GANAB: variants seen among roughly 807,000 people sequenced by gnomAD.
The protein encoded by GANAB is neutral alpha-glucosidase AB.
In GANAB, 35 loss-of-function variants were observed where a neutral mutation model predicts 129.9. The observed-to-expected ratio is 0.27, with a 90% CI of 0.21 to 0.36. The LOEUF is 0.36. Ranked by LOEUF, GANAB falls within the 10% of genes least tolerant of loss-of-function variation. GANAB has a pLI of 1.00. For missense variants in GANAB, 939 were observed against 1,221.0 expected, an observed-to-expected ratio of 0.77 and a Z score of 3.44; for synonymous variants, 482 against 451.8, an observed-to-expected ratio of 1.07 and a Z score of -0.85.
intron 4 of GANAB, among the ~76,000 whole-genome samples, chr11:62,637,735 T>C (rs1044607725): frequency 1.3e-5 from 2 of 151,876 alleles, no homozygotes; most frequent in African/African-American, 4.8e-5. Flanking sequence ...AATAAAGTTA[T>C]GTGAAAAACG....
chr11:62,645,269 G>A (rs991599029), intron 1 of GANAB, among the ~76,000 whole-genome samples: 6 of 152,158 alleles, frequency 3.9e-5, no homozygotes, highest in African/African-American at 1.2e-4. Context: ...GGGCGCGGTG[G>A]CTCACGCCTG....
At position 62,626,922 on chromosome 11, in the gene GANAB, T is replaced by C. The variant is rs758683598; in HGVS notation, c.2335A>G (p.Ile779Val). The C allele has an allele frequency of 5.6e-6, 9 of 1,611,778 alleles. No individual in the cohort carries two copies. The highest frequency in any genetic ancestry group is 1.3e-5 in the African/African-American group (1 of 74,862). ...LPGQGEVWYDIQSYQKHHGPQ... is the reference protein window; with the variant it reads ...LPGQGEVWYDVQSYQKHHGPQ... ...CCATGATGCTTCTGGTAGCTTTGAA[T>C]GTCATACCACACCTGTGAGTGACAA... The change falls in exon 20 of 24, where the codon ATT becomes GTT. Residue 779 changes from isoleucine to valine, a missense_variant. Ile to Val is a conservative substitution (Grantham distance 29, BLOSUM62 3). Transcript: ENST00000356638.
At chr11:62,626,987 C>T (rs1280984173) in intron 19 of GANAB, 53 bp from the exon 20 acceptor site, 68 of 1,571,192 alleles carry the variant, frequency 4.3e-5, no homozygotes, top group Non-Finnish European at 5.6e-5. Flanking sequence ...ACAGGGGTCC[C>T]GTCCTGTTTG....
chr11:62,637,756 C>A (rs72927262), intron 4 of GANAB, among the ~76,000 whole-genome samples: 1 of 151,720 alleles, frequency 6.6e-6, no homozygotes, highest in African/African-American at 2.4e-5. Context: ...GAAACCCAGC[C>A]GGGCGCGGTG....
intron 1 of GANAB, among the ~76,000 whole-genome samples, chr11:62,644,715 C>A (rs1164920589): frequency 6.6e-6 from 1 of 151,894 alleles, no homozygotes; most frequent in Non-Finnish European, 1.5e-5. Context: ...TCCCAGGACT[C>A]GGGAGGATGA....
chr11:62,630,635 G>C lies in GANAB; in HGVS notation c.1352C>G (p.Thr451Ser). 6.2e-7 allele frequency: 1 copy of C among 1,614,134 alleles called. No homozygotes were observed. Among genetic ancestry groups the C allele is most frequent in the East Asian group, 2.2e-5 (1 of 44,876 alleles). The change falls in exon 11 of 24, where the codon ACC becomes AGC. Residue 451 changes from threonine to serine, a missense_variant. Physicochemically the swap from Thr to Ser is moderately conservative, Grantham distance 58. Coordinates refer to ENST00000356638, the MANE Select transcript of GANAB (RefSeq NM_198334.3). ...CTTAGAAGCCAAGCGCTCAAGCATGGTGCGGGGCTGAGGGAAGCGACTGGG... is the reference window on the plus strand; with the variant it reads ...CTTAGAAGCCAAGCGCTCAAGCATGCTGCGGGGCTGAGGGAAGCGACTGGG... Reference protein sequence around the residue: ...WDPSRFPQPRTMLERLASKRR... With the variant: ...WDPSRFPQPRSMLERLASKRR...
intron 1 of GANAB, among the ~76,000 whole-genome samples, chr11:62,640,842 A>AAC (rs1285179806): frequency 6.6e-6 from 1 of 150,726 alleles, no homozygotes; most frequent in Non-Finnish European, 1.5e-5. Context: ...CAAAAAAAAA[A>AAC]AAAAAAAAAA....
Position 62,626,120 on chromosome 11 carries a change from C to T in GANAB, c.2670G>A (p.Glu890=). 6.2e-7 allele frequency: 1 copy of T among 1,614,090 alleles called. No individual in the cohort carries two copies. The highest frequency in any genetic ancestry group is 8.5e-7 in the Non-Finnish European group (1 of 1,179,938). Residue 890 remains glutamate (E), a synonymous_variant, in exon 23 of 24, where the codon GAG becomes GAA. Transcript: ENST00000356638. ...TTCCAGCCCCTATTATCACCACCCG[C>T]TCAATCCAGATTGGTGTCTCAAAGT... ...EGHFETPIWI[E]RVVIIGAGKP...
At chr11:62,642,931 GA>G (rs1944330798) in intron 1 of GANAB, among the ~76,000 whole-genome samples, 1 of 152,174 alleles carries the variant, frequency 6.6e-6, no homozygotes, top group Non-Finnish European at 1.5e-5. Context: ...GGTAAGGGAT[GA>G]AACGAACTGA....
chr11:62,638,523 G>A (rs1002058703), intron 4 of GANAB, among the ~76,000 whole-genome samples: 1 of 151,968 alleles, frequency 6.6e-6, no homozygotes, highest in Admixed American at 6.6e-5. Flanking sequence ...TGGTGACAGA[G>A]TATCATGACA....
In GANAB at chr11:62,632,750, A is replaced by G; in HGVS notation, c.816-5T>C. ...AGGCGATATGGCTCCCCACCCCTGC[A>G]GGCAAACAGACAGACTTGGGCTGCT... On this transcript the variant is annotated splice_region_variant and splice_polypyrimidine_tract_variant and intron_variant, in intron 8 of 23. Transcript: ENST00000356638. 6.2e-7 allele frequency: 1 copy of G among 1,611,698 alleles called. No individual in the cohort carries two copies. Among genetic ancestry groups the G allele is most frequent in the Non-Finnish European group, 8.5e-7 (1 of 1,178,302 alleles).
intron 1 of GANAB, among the ~76,000 whole-genome samples, chr11:62,645,449 T>C (rs1182723122): frequency 1.3e-5 from 2 of 149,962 alleles, no homozygotes; most frequent in African/African-American, 4.9e-5. Flanking sequence ...GGCAGGAGAA[T>C]GGCGTGAACC....
rs2134494447 is a variant in GANAB, at chr11:62,633,088, C to T, written c.732G>A (p.Val244=). 1.9e-6 allele frequency: 3 copies of T among 1,611,974 alleles called. No individual in the cohort carries two copies. Among genetic ancestry groups the T allele is most frequent in the Non-Finnish European group, 2.5e-6 (3 of 1,178,036 alleles). ...SDSKPYGPMS[V]GLDFSLPGME... is the part of the protein sequence containing the mutation. ...TGCCTGGCAGAGAGAAGTCCAAACC[C>T]ACAGACATGGGGCCTGGAAGAAAAA... The change falls in exon 8 of 24, where the codon GTG becomes GTA. Residue 244 remains valine (V), a synonymous_variant. Transcript: ENST00000356638.
At chr11:62,635,075 G>A (rs1943883891) in intron 4 of GANAB, 75 bp from the exon 5 acceptor site, 2 of 1,067,804 alleles carry the variant, frequency 1.9e-6, no homozygotes, top group African/African-American at 1.6e-5. Flanking sequence ...GAAGACCGGG[G>A]GAAATCTACC....
chr11:62,633,937 G>A (rs933301160), intron 5 of GANAB: 3 of 355,392 alleles, frequency 8.4e-6, no homozygotes, highest in African/African-American at 6.2e-5. Context: ...ACTATACCAA[G>A]CCTCTACAGA....
intron 17 of GANAB, 145 bp from the exon 18 acceptor site, chr11:62,627,498 G>A (rs1323053397): frequency 3.8e-5 from 23 of 598,656 alleles, no homozygotes; most frequent in South Asian, 3.0e-4. Context: ...TTGGGAGGCC[G>A]AGGCGGGAAG....
Position 62,627,293 on chromosome 11 carries a change from C to T in GANAB, c.2241G>A (p.Leu747=), listed in dbSNP as rs745636112. Residue 747 remains leucine, a synonymous_variant, in exon 18 of 24, where the codon TTG becomes TTA. Coordinates refer to ENST00000356638, the MANE Select transcript of GANAB (RefSeq NM_198334.3). ...CCAACTATCCTCATTTCTCACCAAG[C>T]AAGTACTGATCATCTATATTGAAGG... ...VTTFNIDDQY[L]LGDALLVHPV... is the part of the protein sequence containing the mutation. 1.8e-5 allele frequency: 28 copies of T among 1,568,798 alleles called. No individual in the cohort carries two copies. The South Asian group carries it at 3.1e-4, about 17-fold the overall frequency.
chr11:62,639,690 A>C lies in GANAB; in HGVS notation c.80T>G (p.Leu27Arg), dbSNP rs1197216417. 3.1e-6 allele frequency: 5 copies of C among 1,614,062 alleles called. No individual in the cohort carries two copies. The highest frequency in any genetic ancestry group is 4.2e-6 in the Non-Finnish European group (5 of 1,179,948). Residue 27 changes from leucine (L) to arginine (R), a missense_variant, in exon 2 of 24, where the codon CTG becomes CGG. Transcript: ENST00000356638. ...SLVLAFLGVCLGITLAVDRSN... is the reference protein window; with the variant it reads ...SLVLAFLGVCRGITLAVDRSN... ...TCTATCCACAGCAAGGGTAATCCCC[A>C]GGCAGACCCCTAAAAAAGCCAGTAC...
intron 2 of GANAB, 35 bp downstream of exon 2, chr11:62,639,592 C>G: frequency 6.6e-7 from 1 of 1,523,042 alleles, no homozygotes; most frequent in South Asian, 1.1e-5. Flanking sequence ...CCCTACAACC[C>G]TACATTCCAT....
Sources: gnomAD v4.1 joint callset for allele counts (sites outside exome capture counted in the v4.1 genomes callset) on GRCh38, gnomAD v4.1.1 for gene constraint, MANE v1.5 for transcripts, NCBI Gene and HGNC (gene_info 2026-07-23, HGNC 2026-07-21) for gene names.